The following TRIB1 variants were observed in gnomAD, a reference collection of about 807,000 sequenced individuals.
The protein encoded by TRIB1 is tribbles pseudokinase 1.
TRIB1 carries 12 observed loss-of-function variants against 27.8 expected under a neutral mutation model. That is an observed-to-expected ratio of 0.43 (90% CI 0.28 to 0.70). The LOEUF is 0.70. Among genes scored for constraint, TRIB1 ranks in the 30% least tolerant of loss-of-function variants. The pLI is 0.18. For missense variants in TRIB1, 475 were observed against 515.8 expected (o/e 0.92, Z 0.77); for synonymous variants, 230 against 224.9 (o/e 1.02, Z -0.20).
intron 1 of TRIB1, among the ~76,000 whole-genome samples, chr8:125,431,560 A>T (rs1814657446): frequency 3.3e-5 from 5 of 152,070 alleles, no homozygotes; most frequent in Admixed American, 3.3e-4. Flanking sequence ...ATTGAAATGG[A>T]TTCCAGGGCC....
chr8:125,430,566 C>A lies in TRIB1; in HGVS notation c.-337C>A, dbSNP rs7815286. On this transcript the variant is annotated 5_prime_UTR_variant, in exon 1 of 3. Transcript: ENST00000311922. ...GGCTCGGGACCCCGGGATCGCTGAC[C>A]GCTGCCGCCGCCGCCTCTGCCTCCC... The A allele has an allele frequency of 2.1e-5, 5 of 238,646 alleles. No individual in the cohort carries two copies. In the South Asian group the frequency reaches 6.4e-4, roughly 30 times the overall value. 14.8% of individuals were successfully genotyped at this position (238,646 alleles called of 1,614,324 possible). A position where few individuals can be genotyped will look rare whatever the true frequency, so the allele number is the denominator to read the frequency against.
At position 125,431,219 on chromosome 8, in the gene TRIB1, C is replaced by A; in HGVS notation, c.317C>A (p.Ser106Tyr). The change falls in exon 1 of 3, where the codon TCC (serine) becomes TAC (tyrosine). Residue 106 changes from serine (S) to tyrosine (Y), a missense_variant. Transcript: ENST00000311922. Reference protein sequence around the residue: ...LLPLAEREHVSRALCIHTGRE... With the variant: ...LLPLAEREHVYRALCIHTGRE... The stretch of plus-strand genomic sequence containing the variant: ...CCCCTAGCCGAGCGCGAGCATGTGT[C>A]CCGGGCGCTGTGCATCCACACTGGA... The A allele has an allele frequency of 2.3e-6, 3 of 1,277,104 alleles. No individual in the cohort carries two copies. The highest frequency in any genetic ancestry group is 3.0e-6 in the Non-Finnish European group (3 of 1,013,468). 79.1% of individuals were successfully genotyped at this position (1,277,104 alleles called of 1,614,324 possible).
chr8:125,436,259 A>G lies in TRIB1; in HGVS notation c.907A>G (p.Ile303Val), dbSNP rs751098238. 3.1e-6 allele frequency: 5 copies of G among 1,613,856 alleles called. No individual in the cohort carries two copies. The African/African-American group carries it at 6.7e-5, about 22-fold the overall frequency. ...FSKIRRGQFC[I>V]PEHISPKARC... Reference sequence around the variant, plus strand: ...CAAAATTCGGCGTGGACAGTTCTGCATTCCTGAGCACATTTCCCCCAAAGC... The same window carrying G: ...CAAAATTCGGCGTGGACAGTTCTGCGTTCCTGAGCACATTTCCCCCAAAGC... Residue 303 changes from isoleucine to valine, a missense_variant, in exon 3 of 3, where the codon ATT becomes GTT. Ile to Val is a conservative substitution (Grantham distance 29). Coordinates refer to ENST00000311922, the MANE Select transcript of TRIB1 (RefSeq NM_025195.4).
rs954606359 is a variant in TRIB1, at chr8:125,433,166, A to G, written c.361-151A>G. The G allele has an allele frequency of 5.9e-5, 48 of 809,644 alleles. No individual in the cohort carries two copies. Among genetic ancestry groups the G allele is most frequent in the Non-Finnish European group, 8.7e-5 (44 of 507,326 alleles). 50.2% of individuals were successfully genotyped at this position (809,644 alleles called of 1,614,324 possible). A position where few individuals can be genotyped will look rare whatever the true frequency, so the allele number is the denominator to read the frequency against. On this transcript the variant is annotated intron_variant, in intron 1 of 2. Transcript: ENST00000311922. The surrounding 1 kb of genome is among the most constrained non-coding windows in gnomAD (Gnocchi z 4.4). ...GTGTCAGGGGCAGCTGGGGCTGCGTAAGGTAAGGTGGCAGAGGAAAGGAGT... is the reference window on the plus strand; with the variant it reads ...GTGTCAGGGGCAGCTGGGGCTGCGTGAGGTAAGGTGGCAGAGGAAAGGAGT...
At position 125,437,001 on chromosome 8, in the gene TRIB1, T is replaced by C. The variant is rs2129820883; in HGVS notation, c.*530T>C. 1 of 166,856 alleles carries C rather than the reference T, an allele frequency of 6.0e-6. No homozygotes were observed. The highest frequency in any genetic ancestry group is 1.7e-4 in the East Asian group (1 of 5,872). 10.3% of individuals were successfully genotyped at this position (166,856 alleles called of 1,614,324 possible). ...CTTTCTTCACACTCACATTTACCAA[T>C]GACTCTGCTCCGTTTTTGGAGCAGA... On this transcript the variant is annotated 3_prime_UTR_variant, in exon 3 of 3. Coordinates refer to ENST00000311922, the MANE Select transcript of TRIB1 (RefSeq NM_025195.4).
chr8:125,430,711 G>T lies in TRIB1; in HGVS notation c.-192G>T, dbSNP rs1282522443. On this transcript the variant is annotated 5_prime_UTR_variant, in exon 1 of 3. Coordinates refer to ENST00000311922, the MANE Select transcript of TRIB1 (RefSeq NM_025195.4). ...TCCGCCTCCCGGACGCACAGCCAGC[G>T]TGGTCCCCGCGTGCAACGCGAGCGC... The T allele has an allele frequency of 5.9e-6, 4 of 678,832 alleles. No individual in the cohort carries two copies. Among genetic ancestry groups the T allele is most frequent in the Non-Finnish European group, 6.3e-6 (3 of 473,222 alleles). 42.1% of individuals were successfully genotyped at this position (678,832 alleles called of 1,614,324 possible).
intron 1 of TRIB1, 86 bp downstream of exon 1, chr8:125,431,348 T>C: frequency 8.2e-7 from 1 of 1,224,418 alleles, no homozygotes; most frequent in Non-Finnish European, 1.0e-6. Context: ...CGGCCAACGC[T>C]TGGGCTGGGC....
chr8:125,436,129 C>T lies in TRIB1; in HGVS notation c.777C>T (p.Thr259=). 3 of 1,614,230 alleles carry T rather than the reference C, an allele frequency of 1.9e-6. No homozygotes were observed. Among genetic ancestry groups the T allele is most frequent in the African/African-American group, 1.3e-5 (1 of 75,058 alleles). The change falls in exon 3 of 3, where the codon ACC becomes ACT. Residue 259 remains threonine (T), a synonymous_variant. Coordinates refer to ENST00000311922, the MANE Select transcript of TRIB1 (RefSeq NM_025195.4). The part of the protein sequence containing the change: ...VSPEILNTTG[T]YSGKAADVWS... Reference sequence around the variant, plus strand: ...CTGAGATCCTCAACACCACTGGGACCTACTCCGGAAAGGCTGCGGACGTTT... The same window carrying T: ...CTGAGATCCTCAACACCACTGGGACTTACTCCGGAAAGGCTGCGGACGTTT...
At chr8:125,435,799 C>T (rs528122666) in intron 2 of TRIB1, among the ~76,000 whole-genome samples, 2 of 152,328 alleles carry the variant, frequency 1.3e-5, no homozygotes, top group South Asian at 2.1e-4. Flanking sequence ...GGCGCTCTGC[C>T]GATACTTTGC....
Position 125,432,276 on chromosome 8 carries a change from A to AC in TRIB1, c.360+1016dup, listed in dbSNP as rs1554647851. 9 of 971,908 alleles carry AC rather than the reference A, an allele frequency of 9.3e-6. No individual in the cohort carries two copies. The African/African-American group carries it at 1.7e-4, about 18-fold the overall frequency. The allele number at this position is 971,908 out of a possible 1,614,324, so 60.2% of individuals were successfully genotyped here. ...CCAGTTTAATAGGGAGGAAAAAAAA[A>AC]CCTTTTCTTCTCCATGACTGGGGCT... is the stretch of plus-strand genomic sequence containing the variant. On this transcript the variant is annotated intron_variant, in intron 1 of 2. Transcript: ENST00000311922.
chr8:125,431,284 C>T (rs1460742683), intron 1 of TRIB1, 22 bp downstream of exon 1: 1 of 1,254,184 alleles, frequency 8.0e-7, no homozygotes, highest in South Asian at 3.3e-5. Context: ...CGGGCCAGGA[C>T]CCGGCTGGGG....
At chr8:125,432,010 G>C (rs1238958495) in intron 1 of TRIB1, among the ~76,000 whole-genome samples, 5 of 152,160 alleles carry the variant, frequency 3.3e-5, no homozygotes. Context: ...CTCCTCCTGC[G>C]CGGGTAGACG....
In TRIB1 at chr8:125,437,965, C is replaced by G. The variant is rs974386212; in HGVS notation, c.*1494C>G. The stretch of plus-strand genomic sequence containing the variant: ...GGGCTATGCCTAGGCAAACTACTAA[C>G]ATGCATTGTGAGAATGCCGTGTATA... On this transcript the variant is annotated 3_prime_UTR_variant, in exon 3 of 3. Transcript: ENST00000311922. The G allele has an allele frequency of 1.4e-4, 21 of 152,828 alleles. No individual in the cohort carries two copies. The highest frequency in any genetic ancestry group is 3.3e-4 in the Admixed American group (5 of 15,288). The allele number at this position is 152,828 out of a possible 1,614,324, so 9.5% of individuals were successfully genotyped here.
chr8:125,433,635 G>A lies in TRIB1; in HGVS notation c.653+26G>A, dbSNP rs1814701310. 1 of 1,593,030 alleles carries A rather than the reference G, an allele frequency of 6.3e-7. No homozygotes were observed. Among genetic ancestry groups the A allele is most frequent in the African/African-American group, 1.3e-5 (1 of 74,370 alleles). On this transcript the variant is annotated intron_variant, in intron 2 of 2. Transcript: ENST00000311922. The surrounding 1 kb of genome is among the most constrained non-coding windows in gnomAD (Gnocchi z 4.4). ...GTGAGCGGCCGCCACAGCTTCTCCT[G>A]TGGCCTTTTGGAACCAAAGCGGAGG...
In TRIB1 at chr8:125,436,249, A is replaced by G. The variant is rs140384337; in HGVS notation, c.897A>G (p.Gly299=). 5.5e-5 allele frequency: 88 copies of G among 1,614,054 alleles called. No homozygotes were observed. Among genetic ancestry groups the G allele is most frequent in the Non-Finnish European group, 7.3e-5 (86 of 1,180,010 alleles). ...CCCTTTTCTCCAAAATTCGGCGTGG[A>G]CAGTTCTGCATTCCTGAGCACATTT... The part of the protein sequence containing the change: ...PSALFSKIRR[G]QFCIPEHISP... The change falls in exon 3 of 3, where the codon GGA becomes GGG. Residue 299 remains glycine (G), a synonymous_variant. Coordinates refer to ENST00000311922, the MANE Select transcript of TRIB1 (RefSeq NM_025195.4).
Position 125,430,562 on chromosome 8 carries a change from T to A in TRIB1, c.-341T>A. ...TCGCGGCTCGGGACCCCGGGATCGC[T>A]GACCGCTGCCGCCGCCGCCTCTGCC... is the stretch of plus-strand genomic sequence containing the variant. On this transcript the variant is annotated 5_prime_UTR_variant, in exon 1 of 3. Coordinates refer to ENST00000311922, the MANE Select transcript of TRIB1 (RefSeq NM_025195.4). 1 of 233,000 alleles carries A rather than the reference T, an allele frequency of 4.3e-6. No homozygotes were observed. Among genetic ancestry groups the A allele is most frequent in the Non-Finnish European group, 8.4e-6 (1 of 119,548 alleles). 14.4% of individuals were successfully genotyped at this position (233,000 alleles called of 1,614,324 possible).
In TRIB1 at chr8:125,437,426, A is replaced by C. The variant is rs1372360890; in HGVS notation, c.*955A>C. ...GACATTAAACATCTTTGTGCTTTGA[A>C]GAGAGTGAATTTTGGATAGTCTTGT... On this transcript the variant is annotated 3_prime_UTR_variant, in exon 3 of 3. Coordinates refer to ENST00000311922, the MANE Select transcript of TRIB1 (RefSeq NM_025195.4). 6.6e-6 allele frequency: 1 copy of C among 152,338 alleles called. No individual in the cohort carries two copies. The highest frequency in any genetic ancestry group is 1.5e-5 in the Non-Finnish European group (1 of 68,038). The allele number at this position is 152,338 out of a possible 1,614,324, so 9.4% of individuals were successfully genotyped here.
Position 125,433,860 on chromosome 8 carries a change from C to T in TRIB1, c.653+251C>T. On this transcript the variant is annotated intron_variant, in intron 2 of 2. Coordinates refer to ENST00000311922, the MANE Select transcript of TRIB1 (RefSeq NM_025195.4). This position sits in a 1 kb window ranked among gnomAD's most constrained non-coding sequence, Gnocchi z 4.4. ...GTGTTGACAGGGTGCTCTTCCTCTC[C>T]TACCCCAGGATCAGGTTCATTCCCC... The T allele has an allele frequency of 2.0e-6, 1 of 491,340 alleles. No individual in the cohort carries two copies. Among genetic ancestry groups the T allele is most frequent in the South Asian group, 2.9e-5 (1 of 34,480 alleles). The allele number at this position is 491,340 out of a possible 1,614,324, so 30.4% of individuals were successfully genotyped here.
chr8:125,433,299 C>T lies in TRIB1; in HGVS notation c.361-18C>T, dbSNP rs762317581. 133 of 1,600,916 alleles carry T rather than the reference C, an allele frequency of 8.3e-5. No individual in the cohort carries two copies. Among genetic ancestry groups the T allele is most frequent in the Non-Finnish European group, 1.1e-4 (125 of 1,169,554 alleles). Reference sequence around the variant, plus strand: ...TTGCTTTTCTAGCCCCCTAAACGGGCCCCCCTTCTCTCTACAGGTGTTTCC... The same window carrying T: ...TTGCTTTTCTAGCCCCCTAAACGGGTCCCCCTTCTCTCTACAGGTGTTTCC... On this transcript the variant is annotated intron_variant, in intron 1 of 2. Coordinates refer to ENST00000311922, the MANE Select transcript of TRIB1 (RefSeq NM_025195.4). This position sits in a 1 kb window ranked among gnomAD's most constrained non-coding sequence, Gnocchi z 4.4.
Sources: allele counts gnomAD v4.1 joint callset (sites outside exome capture counted in the v4.1 genomes callset), GRCh38; gene constraint gnomAD v4.1.1; non-coding constraint Gnocchi (gnomAD v3.1); transcripts MANE v1.5; gene names NCBI Gene and HGNC (gene_info 2026-07-23, HGNC 2026-07-21).